FAM83B: variants seen among roughly 807,000 people sequenced by gnomAD.
The protein encoded by FAM83B is protein FAM83B.
Under a neutral mutation model 38.8 loss-of-function variants are expected in FAM83B, and 26 were observed. The observed-to-expected ratio is 0.67, with a 90% CI of 0.49 to 0.93. The LOEUF is 0.93. FAM83B is among the 40% of genes least tolerant of loss of function. FAM83B has a pLI of 0.00. For missense variants in FAM83B, 1,237 were observed against 1,197.3 expected, an observed-to-expected ratio of 1.03 and a Z score of -0.49; for synonymous variants, 419 against 423.1, an observed-to-expected ratio of 0.99 and a Z score of 0.12.
At chr6:54,881,469 A>G (rs1392005129) in intron 2 of FAM83B, among the ~76,000 whole-genome samples, 1 of 152,170 alleles carries the variant, frequency 6.6e-6, no homozygotes, top group Non-Finnish European at 1.5e-5. Context: ...CCTTGAACTC[A>G]AACACAGGCA....
At chr6:54,896,251 C>T (rs181031462) in intron 2 of FAM83B, among the ~76,000 whole-genome samples, 346 of 152,292 alleles carry the variant, frequency 2.3e-3, no homozygotes, top group Middle Eastern at 0.014. Flanking sequence ...AATATCTCAT[C>T]AACTGATTAT....
intron 4 of FAM83B, among the ~76,000 whole-genome samples, chr6:54,937,685 C>T (rs914760174): frequency 6.6e-6 from 1 of 152,048 alleles, no homozygotes; most frequent in Non-Finnish European, 1.5e-5. Flanking sequence ...TTACATTGGA[C>T]ACGAGGAAAG....
chr6:54,847,303 T>C (rs1771163843), intron 1 of FAM83B, among the ~76,000 whole-genome samples: 1 of 151,996 alleles, frequency 6.6e-6, no homozygotes, highest in Non-Finnish European at 1.5e-5. Context: ...GTGGGAGAGC[T>C]TAGGTCGCTG....
chr6:54,910,658 C>T (rs1176949739), intron 2 of FAM83B, among the ~76,000 whole-genome samples: 1 of 152,202 alleles, frequency 6.6e-6, no homozygotes, highest in Non-Finnish European at 1.5e-5. Context: ...GTTTCCTTAG[C>T]CATGCTCACA....
chr6:54,860,799 C>T (rs1355826698), intron 1 of FAM83B, among the ~76,000 whole-genome samples: 2 of 152,142 alleles, frequency 1.3e-5, no homozygotes, highest in Non-Finnish European at 2.9e-5. Context: ...TGAGATGAAT[C>T]AAAGACCTAA....
chr6:54,891,624 A>G (rs920373834), intron 2 of FAM83B, among the ~76,000 whole-genome samples: 1 of 152,142 alleles, frequency 6.6e-6, no homozygotes, highest in African/African-American at 2.4e-5. Flanking sequence ...CCACTGGCCT[A>G]TCAAATGCAG....
intron 1 of FAM83B, among the ~76,000 whole-genome samples, chr6:54,852,889 C>G (rs1420751848): frequency 6.6e-6 from 1 of 152,082 alleles, no homozygotes; most frequent in East Asian, 1.9e-4. Context: ...GAATGCTGCC[C>G]AATACAAATT....
intron 2 of FAM83B, among the ~76,000 whole-genome samples, chr6:54,905,630 A>C (rs239830): frequency 6.6e-6 from 1 of 152,114 alleles, no homozygotes; most frequent in African/African-American, 2.4e-5. Flanking sequence ...GTGTGTAAAA[A>C]AGTCTTTACT....
At chr6:54,931,406 T>C (rs1773416955) in intron 4 of FAM83B, among the ~76,000 whole-genome samples, 1 of 152,160 alleles carries the variant, frequency 6.6e-6, no homozygotes, top group African/African-American at 2.4e-5. Flanking sequence ...TAATACTGTG[T>C]TGCTGTCTGT....
At chr6:54,879,257 T>C (rs1459702810) in intron 2 of FAM83B, among the ~76,000 whole-genome samples, 1 of 152,190 alleles carries the variant, frequency 6.6e-6, no homozygotes, top group Non-Finnish European at 1.5e-5. Context: ...CCTGAGGACC[T>C]AGTTGTAAGT....
chr6:54,926,358 T>A lies in FAM83B; in HGVS notation c.445-13T>A. The A allele has an allele frequency of 2.0e-6, 3 of 1,512,732 alleles. No homozygotes were observed. The highest frequency in any genetic ancestry group is 2.7e-6 in the Non-Finnish European group (3 of 1,115,898). 93.7% of individuals were successfully genotyped at this position (1,512,732 alleles called of 1,614,324 possible). On this transcript the variant is annotated splice_polypyrimidine_tract_variant and intron_variant, in intron 2 of 4. Coordinates refer to ENST00000306858, the MANE Select transcript of FAM83B (RefSeq NM_001010872.3). ...AAGGATCTAAAATTGTTTCATATTC[T>A]TATATTTAACAGGTCATTGCTTTAG... is the stretch of plus-strand genomic sequence containing the variant.
intron 2 of FAM83B, among the ~76,000 whole-genome samples, chr6:54,903,853 T>C (rs2127582780): frequency 6.6e-6 from 1 of 152,190 alleles, no homozygotes; most frequent in Admixed American, 6.6e-5. Flanking sequence ...CATTTCATTT[T>C]TCAGGCAAAT....
Position 54,941,770 on chromosome 6 carries a change from T to C in FAM83B, c.2799T>C (p.Val933=). 6.2e-7 allele frequency: 1 copy of C among 1,614,126 alleles called. No homozygotes were observed. Among genetic ancestry groups the C allele is most frequent in the South Asian group, 1.1e-5 (1 of 91,078 alleles). ...LLRSHSTDRR[V]YSRFEPFCKI... ...GATCTCATTCAACTGATCGGCGTGT[T>C]TACAGTCGTTTTGAGCCGTTTTGTA... is the stretch of plus-strand genomic sequence containing the variant. The change falls in exon 5 of 5, where the codon GTT becomes GTC. Residue 933 remains valine (V), a synonymous_variant. Coordinates refer to ENST00000306858, the MANE Select transcript of FAM83B (RefSeq NM_001010872.3).
intron 2 of FAM83B, among the ~76,000 whole-genome samples, chr6:54,921,423 G>A (rs1238965818): frequency 1.3e-5 from 2 of 151,954 alleles, no homozygotes; most frequent in South Asian, 2.1e-4. Context: ...GAAGAAAAAT[G>A]TCCTTGGGTC....
intron 1 of FAM83B, among the ~76,000 whole-genome samples, chr6:54,847,488 A>T (rs1435205703): frequency 6.6e-6 from 1 of 152,094 alleles, no homozygotes; most frequent in South Asian, 2.1e-4. Flanking sequence ...GCAGCTCTCC[A>T]GGAGAGCCTG....
chr6:54,890,131 A>C (rs540984001), intron 2 of FAM83B, among the ~76,000 whole-genome samples: 20 of 152,206 alleles, frequency 1.3e-4, no homozygotes, highest in Middle Eastern at 3.4e-3. Flanking sequence ...TAGAACACAT[A>C]GGTTTGGAAA....
intron 2 of FAM83B, among the ~76,000 whole-genome samples, chr6:54,882,217 G>A (rs1284147124): frequency 6.6e-6 from 1 of 152,150 alleles, no homozygotes; most frequent in Non-Finnish European, 1.5e-5. Context: ...AGTGCATCTG[G>A]ACTTCTATTC....
intron 2 of FAM83B, among the ~76,000 whole-genome samples, chr6:54,874,236 G>T (rs1433604659): frequency 6.6e-6 from 1 of 151,910 alleles, no homozygotes; most frequent in Non-Finnish European, 1.5e-5. Context: ...TTATCACTTA[G>T]AAATTGATTA....
At chr6:54,877,909 A>C (rs1240773476) in intron 2 of FAM83B, among the ~76,000 whole-genome samples, 1 of 152,192 alleles carries the variant, frequency 6.6e-6, no homozygotes, top group African/African-American at 2.4e-5. Flanking sequence ...CAGTGGGTGT[A>C]GATGTGGAAG....
Sources: gnomAD v4.1 joint callset for allele counts (sites outside exome capture counted in the v4.1 genomes callset) on GRCh38, gnomAD v4.1.1 for gene constraint, MANE v1.5 for transcripts, NCBI Gene and HGNC (gene_info 2026-07-23, HGNC 2026-07-21) for gene names.